Variants in DOCK5 observed in about 807,000 individuals in gnomAD.
DOCK5 encodes the protein dedicator of cytokinesis 5.
Under a neutral mutation model 251.8 loss-of-function variants are expected in DOCK5, and 142 were observed. The ratio of observed to expected loss-of-function variants is 0.56; its 90% confidence interval spans 0.49 to 0.65. The LOEUF is 0.65. Among genes scored for constraint, DOCK5 ranks in the 30% least tolerant of loss-of-function variants. The pLI is 0.00. For synonymous variants in DOCK5, 842 were observed against 835.5 expected, an observed-to-expected ratio of 1.01 and a Z score of -0.13; for missense variants, 2,111 against 2,312.3, an observed-to-expected ratio of 0.91 and a Z score of 1.79.
At chr8:25,223,494 T>C (rs1586241136) in intron 1 of DOCK5, among the ~76,000 whole-genome samples, 1 of 151,870 alleles carries the variant, frequency 6.6e-6, no homozygotes, top group Non-Finnish European at 1.5e-5. Context: ...TTTAAATTAT[T>C]TGTAGAGATG....
chr8:25,325,168 T>G (rs1805530887), intron 17 of DOCK5, among the ~76,000 whole-genome samples, 196 bp from the exon 18 acceptor site: 1 of 152,166 alleles, frequency 6.6e-6, no homozygotes, highest in Admixed American at 6.5e-5. Context: ...TTATTCTGTT[T>G]CCATTCAATC....
At chr8:25,242,575 C>T (rs1802982863) in intron 1 of DOCK5, among the ~76,000 whole-genome samples, 2 of 152,152 alleles carry the variant, frequency 1.3e-5, no homozygotes, top group Admixed American at 6.5e-5. Flanking sequence ...CTAATAGTGT[C>T]GAACATCTCT....
At chr8:25,239,642 G>A (rs754407879) in intron 1 of DOCK5, among the ~76,000 whole-genome samples, 3 of 152,072 alleles carry the variant, frequency 2.0e-5, no homozygotes, top group Non-Finnish European at 4.4e-5. Context: ...GAGCATTTGC[G>A]TAAACCAGCA....
Position 25,184,873 on chromosome 8 carries a change from C to A in DOCK5, c.-36C>A. On this transcript the variant is annotated 5_prime_UTR_variant, in exon 1 of 52. Transcript: ENST00000276440. ...GCCGGAGCCCGAGGAGCTGTAGCAG[C>A]CTTAGTCGCCGCCGCCGCGGGGCGA... 7.4e-7 allele frequency: 1 copy of A among 1,356,730 alleles called. No homozygotes were observed. 84.0% of individuals were successfully genotyped at this position (1,356,730 alleles called of 1,614,324 possible).
At chr8:25,345,326 C>T in intron 25 of DOCK5, 149 bp from the exon 26 acceptor site, 1 of 964,208 alleles carries the variant, frequency 1.0e-6, no homozygotes, top group African/African-American at 1.6e-5. Flanking sequence ...ACCAGGTGTT[C>T]CTGGGTGGCC....
chr8:25,239,073 A>ATT (rs1802874633), intron 1 of DOCK5, among the ~76,000 whole-genome samples: 2 of 152,158 alleles, frequency 1.3e-5, no homozygotes, highest in African/African-American at 4.8e-5. Flanking sequence ...GTTGAATTGC[A>ATT]TTGTGGATGT....
chr8:25,392,905 T>C lies in DOCK5; in HGVS notation c.4527+23T>C, dbSNP rs764265328. The C allele has an allele frequency of 3.2e-6, 5 of 1,580,384 alleles. No homozygotes were observed. The Admixed American group carries it at 8.8e-5, about 28-fold the overall frequency. On this transcript the variant is annotated intron_variant, in intron 44 of 51. Transcript: ENST00000276440. Reference sequence around the variant, plus strand: ...ACAGTGAGTCATTTGAAATTGGCATTTAGAAAAAAACTTTCTGTTTCCAAA... The same window carrying C: ...ACAGTGAGTCATTTGAAATTGGCATCTAGAAAAAAACTTTCTGTTTCCAAA...
chr8:25,251,559 T>C (rs1290232435), intron 2 of DOCK5, among the ~76,000 whole-genome samples: 3 of 152,202 alleles, frequency 2.0e-5, no homozygotes, highest in African/African-American at 7.2e-5. Flanking sequence ...AGACTTGAGC[T>C]GTATGTGTTT....
At chr8:25,291,872 CAAA>C (rs5890217) in intron 5 of DOCK5, among the ~76,000 whole-genome samples, 149 bp from the exon 6 acceptor site, 2 of 114,466 alleles carry the variant, frequency 1.7e-5, no homozygotes, top group Admixed American at 1.0e-4. Flanking sequence ...GACTCCATCA[CAAA>C]AAAAAAAAAA....
chr8:25,410,251 G>A, intron 51 of DOCK5, 49 bp downstream of exon 51: 1 of 1,529,260 alleles, frequency 6.5e-7, no homozygotes, highest in South Asian at 1.1e-5. Context: ...CCACTCCTGG[G>A]AAGGCAGCAT....
At chr8:25,397,812 A>T (rs888622771) in intron 45 of DOCK5, among the ~76,000 whole-genome samples, 5 of 152,256 alleles carry the variant, frequency 3.3e-5, no homozygotes, top group African/African-American at 1.2e-4. Context: ...ATTAAAATGA[A>T]CAAAAAGCTA....
intron 5 of DOCK5, among the ~76,000 whole-genome samples, chr8:25,284,176 CT>C (rs747113518): frequency 2.0e-4 from 31 of 152,280 alleles, no homozygotes; most frequent in East Asian, 1.7e-3. Flanking sequence ...CTTAAGTTTT[CT>C]TTTCTTCTCT....
chr8:25,294,671 G>A (rs1804575574), intron 6 of DOCK5, among the ~76,000 whole-genome samples: 1 of 152,166 alleles, frequency 6.6e-6, no homozygotes, highest in South Asian at 2.1e-4. Flanking sequence ...AGCTGTGTTA[G>A]TCCATTCTCA....
chr8:25,324,522 T>G (rs962264186), intron 17 of DOCK5, among the ~76,000 whole-genome samples: 4 of 152,242 alleles, frequency 2.6e-5, no homozygotes, highest in African/African-American at 9.6e-5. Context: ...TTCCCCACAG[T>G]TGGCTGCTCT....
intron 5 of DOCK5, among the ~76,000 whole-genome samples, chr8:25,287,509 A>G (rs980074271): frequency 8.5e-5 from 13 of 152,170 alleles, no homozygotes; most frequent in African/African-American, 3.1e-4. Context: ...AAGAGGGAGA[A>G]ATTTTAAGCA....
At chr8:25,318,374 C>A (rs1425761028) in intron 14 of DOCK5, among the ~76,000 whole-genome samples, 1 of 152,158 alleles carries the variant, frequency 6.6e-6, no homozygotes, top group African/African-American at 2.4e-5. Context: ...CAGGCATGAG[C>A]CACCATGTGC....
chr8:25,360,582 A>G (rs1800659607), intron 28 of DOCK5, among the ~76,000 whole-genome samples: 2 of 152,068 alleles, frequency 1.3e-5, no homozygotes, highest in African/African-American at 4.8e-5. Context: ...AAGCGGTTTA[A>G]CCTCACTGAA....
rs1801683935 is a variant in DOCK5 at position 25,414,905 on chromosome 8, C to CTTTTTTTTT, written c.*3608_*3609insTTTTTTTTT. ...GTCAATTTGTAGTCAGTCCCTGGGC[C>CTTTTTTTTT]TGTCTTTTTTTTTTTTTAATTTTGA... On this transcript the variant is annotated 3_prime_UTR_variant, in exon 52 of 52. Coordinates refer to ENST00000276440, the MANE Select transcript of DOCK5 (RefSeq NM_024940.8). The CTTTTTTTTT allele has an allele frequency of 1.1e-4, 1 of 9,082 alleles. No homozygotes were observed. The highest frequency in any genetic ancestry group is 4.3e-4 in the Non-Finnish European group (1 of 2,330). The allele number at this position is 9,082 out of a possible 1,614,324, so 0.6% of individuals were successfully genotyped here.
chr8:25,191,052 A>G (rs967193529), intron 1 of DOCK5, among the ~76,000 whole-genome samples: 9 of 152,150 alleles, frequency 5.9e-5, no homozygotes, highest in African/African-American at 1.9e-4. Context: ...GGCTAAGAAC[A>G]AAAGGAAGAG....
Sources: allele counts gnomAD v4.1 joint callset (sites outside exome capture counted in the v4.1 genomes callset), GRCh38; gene constraint gnomAD v4.1.1; transcripts MANE v1.5; gene names NCBI Gene and HGNC (gene_info 2026-07-23, HGNC 2026-07-21).